SUSD4: variants seen among roughly 807,000 people sequenced by gnomAD.
SUSD4 encodes sushi domain-containing protein 4.
Under a neutral mutation model 50.5 loss-of-function variants are expected in SUSD4, and 41 were observed. That is an observed-to-expected ratio of 0.81 (90% CI 0.63 to 1.05). The LOEUF is 1.05. SUSD4 is among the 50% of genes least tolerant of loss of function. The probability of loss-of-function intolerance (pLI) is 0.00; values close to 1 mark genes in which losing one functional copy is unlikely to be tolerated. For synonymous variants in SUSD4, 257 were observed against 257.3 expected (o/e 1.00, Z 0.01); for missense variants, 580 against 634.7 (o/e 0.91, Z 0.93).
intron 5 of SUSD4, among the ~76,000 whole-genome samples, chr1:223,243,451 A>AT (rs1449218659): frequency 2.0e-5 from 3 of 151,928 alleles, no homozygotes; most frequent in Non-Finnish European, 4.4e-5. Flanking sequence ...TCCAGCTCTG[A>AT]TTTTTTTCTG....
At chr1:223,361,808 A>G (rs1572145605) in intron 2 of SUSD4, among the ~76,000 whole-genome samples, 1 of 152,344 alleles carries the variant, frequency 6.6e-6, no homozygotes, top group Middle Eastern at 3.4e-3. Flanking sequence ...AAAAGCAGAG[A>G]GGAGGGGAGG....
At chr1:223,281,679 T>A (rs1259965060) in intron 3 of SUSD4, among the ~76,000 whole-genome samples, 2 of 152,170 alleles carry the variant, frequency 1.3e-5, no homozygotes, top group African/African-American at 4.8e-5. Context: ...GCTGGTACCA[T>A]TCCTTCTGAA....
chr1:223,268,810 C>T lies in SUSD4; in HGVS notation c.362-135G>A. The T allele has an allele frequency of 6.7e-6, 6 of 902,048 alleles. No individual in the cohort carries two copies. The South Asian group carries it at 1.1e-4, about 16-fold the overall frequency. The allele number at this position is 902,048 out of a possible 1,614,324, so 55.9% of individuals were successfully genotyped here. On this transcript the variant is annotated intron_variant, in intron 3 of 8. Transcript: ENST00000366878. ...ATCTGATAAATGGTACCTCATTTGTCACTAGGCTCAGGTGCCAATGACGAG... is the reference window on the plus strand; with the variant it reads ...ATCTGATAAATGGTACCTCATTTGTTACTAGGCTCAGGTGCCAATGACGAG...
At chr1:223,295,941 C>T (rs2103161793) in intron 2 of SUSD4, among the ~76,000 whole-genome samples, 1 of 152,024 alleles carries the variant, frequency 6.6e-6, no homozygotes, top group South Asian at 2.1e-4. Flanking sequence ...GGACTGATGG[C>T]TACAGACCAG....
At chr1:223,348,003 T>C (rs1380314974) in intron 2 of SUSD4, among the ~76,000 whole-genome samples, 1 of 152,090 alleles carries the variant, frequency 6.6e-6, no homozygotes, top group Middle Eastern at 3.2e-3. Flanking sequence ...AGGCAACCTC[T>C]ATGGCCCCTT....
At chr1:223,270,308 T>G (rs1466421325) in intron 3 of SUSD4, among the ~76,000 whole-genome samples, 3 of 152,150 alleles carry the variant, frequency 2.0e-5, no homozygotes, top group Non-Finnish European at 4.4e-5. Flanking sequence ...CCTCCCACCA[T>G]GCTTCTGACC....
At chr1:223,328,104 A>T (rs1158833253) in intron 2 of SUSD4, among the ~76,000 whole-genome samples, 3 of 152,216 alleles carry the variant, frequency 2.0e-5, no homozygotes, top group Non-Finnish European at 2.9e-5. Context: ...TAAAAAAAAA[A>T]AAAAGTTTTT....
At chr1:223,295,584 G>A (rs555703172) in intron 2 of SUSD4, among the ~76,000 whole-genome samples, 1 of 152,200 alleles carries the variant, frequency 6.6e-6, no homozygotes, top group Non-Finnish European at 1.5e-5. Flanking sequence ...GGTGCAGGTC[G>A]GAAGGTATGG....
rs1483760135 is a variant in SUSD4 at position 223,231,507 on chromosome 1, G to A, written c.725-2119C>T. Among the ~76,000 whole-genome samples, 2 of 152,206 alleles carry A rather than the reference G, an allele frequency of 1.3e-5. No homozygotes were observed. The highest frequency in any genetic ancestry group is 2.9e-5 in the Non-Finnish European group (2 of 68,036). ...CAGGGTCTCTCCTGGGCTGGCAAAT[G>A]CAGTCACACAACCCCTTGCATTTCC... On this transcript the variant is annotated intron_variant, in intron 5 of 8. Transcript: ENST00000366878. The surrounding 1 kb of genome is among the most constrained non-coding windows in gnomAD (Gnocchi z 4.2).
At chr1:223,305,893 A>G (rs1665507969) in intron 2 of SUSD4, among the ~76,000 whole-genome samples, 1 of 152,224 alleles carries the variant, frequency 6.6e-6, no homozygotes, top group African/African-American at 2.4e-5. Context: ...TCATGATTGT[A>G]AACACAGTAT....
chr1:223,338,766 T>C (rs982278397), intron 2 of SUSD4, among the ~76,000 whole-genome samples: 1 of 152,222 alleles, frequency 6.6e-6, no homozygotes, highest in Non-Finnish European at 1.5e-5. Context: ...CAGATCTTAA[T>C]GCCATTCACT....
chr1:223,333,446 T>G (rs825127), intron 2 of SUSD4, among the ~76,000 whole-genome samples: 72,585 of 151,886 alleles, frequency 0.48, 17,351 homozygotes, highest in East Asian at 0.57. Context: ...TTAAAATTAG[T>G]GCTTCCTGTT....
chr1:223,324,652 G>A (rs1666771373), intron 2 of SUSD4, among the ~76,000 whole-genome samples: 1 of 150,974 alleles, frequency 6.6e-6, no homozygotes. Flanking sequence ...CTATTTCCAT[G>A]TGACCCTTCA....
Position 223,302,059 on chromosome 1 carries a change from C to G in SUSD4, c.149-9408G>C, listed in dbSNP as rs113013854. On this transcript the variant is annotated intron_variant, in intron 2 of 8. Coordinates refer to ENST00000366878, the MANE Select transcript of SUSD4 (RefSeq NM_017982.4). Reference sequence around the variant, plus strand: ...TGGTTTCTAATGGTTTAGCACCATCCCCCTAGTGCTGTCTCCTGATACAGT... The same window carrying G: ...TGGTTTCTAATGGTTTAGCACCATCGCCCTAGTGCTGTCTCCTGATACAGT... 2.1e-3 allele frequency among the ~76,000 whole-genome samples: 327 copies of G among 152,184 alleles called. 6 individuals carry two copies. Among genetic ancestry groups the G allele is most frequent in the Non-Finnish European group, 3.1e-3 (213 of 68,026 alleles).
At chr1:223,254,644 T>C (rs1661567476) in intron 5 of SUSD4, among the ~76,000 whole-genome samples, 1 of 152,176 alleles carries the variant, frequency 6.6e-6, no homozygotes, top group South Asian at 2.1e-4. Flanking sequence ...TAAGGTCTCT[T>C]GGTTTTCTTA....
At chr1:223,302,033 G>A (rs1665230765) in intron 2 of SUSD4, among the ~76,000 whole-genome samples, 1 of 152,150 alleles carries the variant, frequency 6.6e-6, no homozygotes, top group African/African-American at 2.4e-5. Flanking sequence ...GAACATGGGG[G>A]TGGTTTCTAA....
Position 223,227,498 on chromosome 1 carries a change from G to A in SUSD4, c.1061+96C>T. On this transcript the variant is annotated intron_variant, in intron 7 of 8. Coordinates refer to ENST00000366878, the MANE Select transcript of SUSD4 (RefSeq NM_017982.4). The surrounding 1 kb of genome is among the most constrained non-coding windows in gnomAD (Gnocchi z 4.5). ...TTGCTCTCCCCTGTTTCCCTTTAGA[G>A]CTTCAACTTTTCACTCATCACTTTC... is the stretch of plus-strand genomic sequence containing the variant. 6.7e-7 allele frequency: 1 copy of A among 1,488,772 alleles called. No homozygotes were observed. Among genetic ancestry groups the A allele is most frequent in the Non-Finnish European group, 9.1e-7 (1 of 1,098,728 alleles). The allele number at this position is 1,488,772 out of a possible 1,614,324, so 92.2% of individuals were successfully genotyped here.
chr1:223,287,522 T>C (rs1664222059), intron 3 of SUSD4, among the ~76,000 whole-genome samples: 1 of 152,154 alleles, frequency 6.6e-6, no homozygotes, highest in African/African-American at 2.4e-5. Context: ...AGGCAGTTCA[T>C]TTTAAAAGCA....
At chr1:223,293,424 A>C (rs1664623140) in intron 2 of SUSD4, among the ~76,000 whole-genome samples, 1 of 152,172 alleles carries the variant, frequency 6.6e-6, no homozygotes. Flanking sequence ...TCCAAGAACA[A>C]GTCCTATGAC....
Sources: gnomAD v4.1 joint callset for allele counts (sites outside exome capture counted in the v4.1 genomes callset) on GRCh38, gnomAD v4.1.1 for gene constraint, Gnocchi (gnomAD v3.1) non-coding constraint, MANE v1.5 for transcripts, NCBI Gene and HGNC (gene_info 2026-07-23, HGNC 2026-07-21) for gene names.